The following MAGI2 variants were observed in gnomAD, a reference collection of about 807,000 sequenced individuals.
The protein encoded by MAGI2 is membrane-associated guanylate kinase, WW and PDZ domain-containing protein 2.
Under a neutral mutation model 133.3 loss-of-function variants are expected in MAGI2, and 35 were observed. The observed-to-expected ratio is 0.26, with a 90% CI of 0.20 to 0.35. The LOEUF (loss-of-function observed/expected upper bound fraction) is 0.35. Among genes scored for constraint, MAGI2 ranks in the 10% least tolerant of loss-of-function variants. The pLI is 1.00. For missense variants in MAGI2, 1,636 were observed against 1,863.4 expected (o/e 0.88, Z 2.25); for synonymous variants, 729 against 710.6 (o/e 1.03, Z -0.41).
chr7:79,186,761 A>ATTTACACAAAAG (rs570721882), intron 1 of MAGI2, among the ~76,000 whole-genome samples: 1 of 102,908 alleles, frequency 9.7e-6, no homozygotes, highest in African/African-American at 3.5e-5. Context: ...GTATATATAT[A>ATTTACACAAAAG]TATATATATA....
At chr7:78,700,266 T>C (rs1003179119) in intron 2 of MAGI2, among the ~76,000 whole-genome samples, 17 of 152,282 alleles carry the variant, frequency 1.1e-4, no homozygotes, top group African/African-American at 3.8e-4. Context: ...ACTGTTTTCC[T>C]CTCCAATCTG....
chr7:79,307,156 G>T (rs1290493401), intron 1 of MAGI2, among the ~76,000 whole-genome samples: 1 of 152,114 alleles, frequency 6.6e-6, no homozygotes, highest in Non-Finnish European at 1.5e-5. Context: ...AAAATGGACA[G>T]TTACTGAGGA....
chr7:78,918,057 C>T (rs1798937343), intron 2 of MAGI2, among the ~76,000 whole-genome samples: 1 of 152,082 alleles, frequency 6.6e-6, no homozygotes. Context: ...AGGTGGGTGG[C>T]TGAACGGAAA....
At chr7:79,224,240 A>C (rs1252971329) in intron 1 of MAGI2, among the ~76,000 whole-genome samples, 1 of 152,014 alleles carries the variant, frequency 6.6e-6, no homozygotes, top group Non-Finnish European at 1.5e-5. Context: ...CTCAGATGAA[A>C]TGAAAGTATG....
chr7:78,440,567 A>G (rs1384139308), intron 6 of MAGI2, among the ~76,000 whole-genome samples: 1 of 152,212 alleles, frequency 6.6e-6, no homozygotes, highest in Non-Finnish European at 1.5e-5. Context: ...GCTAGGAAAC[A>G]GGTATCAACA....
At chr7:79,044,177 C>T (rs965955631) in intron 1 of MAGI2, among the ~76,000 whole-genome samples, 2 of 151,986 alleles carry the variant, frequency 1.3e-5, no homozygotes, top group South Asian at 4.1e-4. Flanking sequence ...ATAAAAAATC[C>T]TCACTAAAAT....
At chr7:78,575,660 A>G (rs553697957) in intron 3 of MAGI2, among the ~76,000 whole-genome samples, 1 of 152,302 alleles carries the variant, frequency 6.6e-6, no homozygotes, top group East Asian at 1.9e-4. Context: ...ATGGCACTTT[A>G]TCTCTATGAT....
chr7:78,536,927 G>T (rs1028954625), intron 3 of MAGI2, among the ~76,000 whole-genome samples: 1 of 151,928 alleles, frequency 6.6e-6, no homozygotes, highest in Non-Finnish European at 1.5e-5. Context: ...AGTGTACTCT[G>T]TACCCAATGT....
At chr7:79,313,535 T>C (rs2129560857) in intron 1 of MAGI2, among the ~76,000 whole-genome samples, 1 of 152,290 alleles carries the variant, frequency 6.6e-6, no homozygotes, top group South Asian at 2.1e-4. Flanking sequence ...TACAATCGAT[T>C]CAATTTTGGC....
rs1451700543 is a variant in MAGI2, at chr7:78,684,988, TA to T, written c.419-57750del. 5.3e-5 allele frequency among the ~76,000 whole-genome samples: 8 copies of T among 152,334 alleles called. No homozygotes were observed. In the South Asian group the frequency reaches 1.0e-3, roughly 20 times the overall value. On this transcript the variant is annotated intron_variant, in intron 2 of 21. Coordinates refer to ENST00000354212, the MANE Select transcript of MAGI2 (RefSeq NM_012301.4). ...GTACCAATACAGCCATAATTTAAAT[TA>T]ACAGGCTTCTCATACTACATTCATG...
intron 1 of MAGI2, among the ~76,000 whole-genome samples, chr7:79,070,599 C>G (rs954326305): frequency 6.6e-6 from 1 of 151,944 alleles, no homozygotes; most frequent in Non-Finnish European, 1.5e-5. Flanking sequence ...TTACACCATT[C>G]TCTTGCATCA....
chr7:79,225,181 A>C (rs898572568), intron 1 of MAGI2, among the ~76,000 whole-genome samples: 6 of 152,152 alleles, frequency 3.9e-5, no homozygotes, highest in African/African-American at 1.4e-4. Context: ...CCACCTGTGC[A>C]TACATTTGTC....
At chr7:78,999,555 C>A (rs1311298782) in intron 2 of MAGI2, among the ~76,000 whole-genome samples, 3 of 152,120 alleles carry the variant, frequency 2.0e-5, no homozygotes, top group Admixed American at 2.0e-4. Flanking sequence ...ACATATATGA[C>A]ATGAAACTAG....
At chr7:78,262,965 C>T (rs1440237958) in intron 9 of MAGI2, among the ~76,000 whole-genome samples, 2 of 152,062 alleles carry the variant, frequency 1.3e-5, no homozygotes, top group African/African-American at 4.8e-5. Flanking sequence ...TTTTTTCAGT[C>T]CTTACTCCCG....
intron 2 of MAGI2, among the ~76,000 whole-genome samples, chr7:78,860,622 GC>G (rs1236132677): frequency 2.0e-5 from 3 of 152,100 alleles, no homozygotes; most frequent in Admixed American, 6.6e-5. Flanking sequence ...TCTCAGAGGG[GC>G]CCCCGGCTGT....
intron 2 of MAGI2, among the ~76,000 whole-genome samples, chr7:78,655,854 G>A (rs568141329): frequency 4.0e-5 from 6 of 151,672 alleles, no homozygotes; most frequent in Admixed American, 1.3e-4. Context: ...GGTGGCGGGC[G>A]CCTGTAGTCC....
At chr7:78,238,770 C>A (rs372541872) in intron 10 of MAGI2, among the ~76,000 whole-genome samples, 1 of 152,064 alleles carries the variant, frequency 6.6e-6, no homozygotes, top group Non-Finnish European at 1.5e-5. Context: ...GCAGCTAGCA[C>A]GAGCCTTTAA....
intron 1 of MAGI2, among the ~76,000 whole-genome samples, chr7:79,007,927 T>G (rs1284009844): frequency 1.3e-5 from 2 of 151,948 alleles, no homozygotes; most frequent in East Asian, 3.9e-4. Flanking sequence ...TTCAAACAAT[T>G]TTGCGACTGT....
chr7:78,060,246 C>CG (rs1813091270), intron 21 of MAGI2, among the ~76,000 whole-genome samples: 2 of 59,320 alleles, frequency 3.4e-5, no homozygotes, highest in Non-Finnish European at 6.8e-5. Context: ...CAAAAGGGAC[C>CG]CCCCCCCCTC....
Sources: gnomAD v4.1 joint callset for allele counts (sites outside exome capture counted in the v4.1 genomes callset) on GRCh38, gnomAD v4.1.1 for gene constraint, MANE v1.5 for transcripts, NCBI Gene and HGNC (gene_info 2026-07-23, HGNC 2026-07-21) for gene names.